The following LOC400499 variants were observed in gnomAD, a reference collection of about 807,000 sequenced individuals.
chr16:11,376,099 A>G, the LOC400499 span, among the ~76,000 whole-genome samples: 1 of 152,164 alleles, frequency 6.6e-6, no homozygotes, highest in Non-Finnish European at 1.5e-5. Context: ...TGCTTTATGT[A>G]TTCTAGATGG....
the LOC400499 span, among the ~76,000 whole-genome samples, chr16:11,428,217 C>T: frequency 5.6e-4 from 84 of 149,482 alleles, no homozygotes; most frequent in Non-Finnish European, 1.0e-3. Flanking sequence ...TCTTGTTGCC[C>T]AGGCTGGAGT....
the LOC400499 span, among the ~76,000 whole-genome samples, chr16:11,378,408 C>T: frequency 3.9e-5 from 6 of 152,106 alleles, no homozygotes; most frequent in East Asian, 1.9e-4. Flanking sequence ...GGATTACAGG[C>T]GCCTGCCACC....
the LOC400499 span, among the ~76,000 whole-genome samples, chr16:11,404,424 G>A: frequency 2.0e-5 from 3 of 152,044 alleles, no homozygotes; most frequent in Non-Finnish European, 4.4e-5. Flanking sequence ...TCGGCTCTCT[G>A]CAACCTCTGC....
the LOC400499 span, among the ~76,000 whole-genome samples, chr16:11,463,979 G>A: frequency 1.3e-5 from 2 of 152,264 alleles, no homozygotes; most frequent in South Asian, 2.1e-4. Context: ...ATGTATATAT[G>A]TGGATGTGTG....
the LOC400499 span, among the ~76,000 whole-genome samples, chr16:11,388,113 C>T: frequency 6.6e-6 from 1 of 152,078 alleles, no homozygotes; most frequent in Non-Finnish European, 1.5e-5. Flanking sequence ...CAGGTGGCCT[C>T]ACTTGCTTAC....
chr16:11,405,414 G>A, the LOC400499 span, among the ~76,000 whole-genome samples: 2 of 152,342 alleles, frequency 1.3e-5, no homozygotes, highest in African/African-American at 4.8e-5. Context: ...ATAGTCACAG[G>A]ACAGAAAATG....
At chr16:11,484,856 G>C in the LOC400499 span, 2 of 399,066 alleles carry the variant, frequency 5.0e-6, no homozygotes, top group East Asian at 7.1e-5. Flanking sequence ...GGGGAGTACA[G>C]TGGGTGTGGC....
the LOC400499 span, chr16:11,459,840 CCTA>C: frequency 7.9e-7 from 1 of 1,262,896 alleles, no homozygotes; most frequent in South Asian, 3.2e-5. Flanking sequence ...TTCCCCAGCT[CCTA>C]CCGTCCATGC....
chr16:11,430,674 G>A, the LOC400499 span, among the ~76,000 whole-genome samples: 1 of 152,128 alleles, frequency 6.6e-6, no homozygotes, highest in African/African-American at 2.4e-5. Context: ...CATTGTTCTT[G>A]CAACTTTTCT....
the LOC400499 span, among the ~76,000 whole-genome samples, chr16:11,483,544 A>C: frequency 6.6e-6 from 1 of 152,158 alleles, no homozygotes; most frequent in East Asian, 1.9e-4. Flanking sequence ...AAAAGAAGCC[A>C]AACAAAAAAG....
At chr16:11,462,656 C>A in the LOC400499 span, among the ~76,000 whole-genome samples, 1 of 152,146 alleles carries the variant, frequency 6.6e-6, no homozygotes, top group African/African-American at 2.4e-5. Flanking sequence ...GTCCTGAGCA[C>A]AAGTGATCCA....
chr16:11,490,245 A>C, the LOC400499 span, among the ~76,000 whole-genome samples: 1 of 151,898 alleles, frequency 6.6e-6, no homozygotes, highest in South Asian at 2.1e-4. Flanking sequence ...AGAATACAAA[A>C]ATTAGCCGGG....
chr16:11,444,424 G>T, the LOC400499 span, among the ~76,000 whole-genome samples: 1 of 152,076 alleles, frequency 6.6e-6, no homozygotes, highest in Non-Finnish European at 1.5e-5. Context: ...CTAAGTCAGG[G>T]GTCAGCAACT....
At chr16:11,431,931 G>C in the LOC400499 span, among the ~76,000 whole-genome samples, 586 of 152,264 alleles carry the variant, frequency 3.8e-3, 3 homozygotes, top group African/African-American at 0.013. Context: ...TTTCAAGATT[G>C]GGCCCTAAGA....
the LOC400499 span, chr16:11,462,470 C>T: frequency 4.1e-6 from 4 of 982,848 alleles, no homozygotes; most frequent in Non-Finnish European, 3.6e-6. Context: ...CACTTTGTCT[C>T]CCAAGCTGGA....
chr16:11,452,035 C>G, the LOC400499 span, among the ~76,000 whole-genome samples: 4 of 152,106 alleles, frequency 2.6e-5, no homozygotes, highest in Admixed American at 2.6e-4. Context: ...CATGCCCCAC[C>G]TATGTATAGC....
the LOC400499 span, among the ~76,000 whole-genome samples, chr16:11,501,917 G>A: frequency 2.0e-5 from 3 of 152,058 alleles, no homozygotes; most frequent in African/African-American, 4.8e-5. Context: ...CCTTCTTGGC[G>A]CACATTCTCA....
At chr16:11,484,462 T>C in the LOC400499 span, among the ~76,000 whole-genome samples, 1 of 152,130 alleles carries the variant, frequency 6.6e-6, no homozygotes, top group Non-Finnish European at 1.5e-5. Context: ...CGTGTGTCAA[T>C]TAGACCTCAA....
At chr16:11,385,871 C>T in the LOC400499 span, among the ~76,000 whole-genome samples, 2 of 152,150 alleles carry the variant, frequency 1.3e-5, no homozygotes, top group Non-Finnish European at 2.9e-5. Flanking sequence ...CTGAATCGTA[C>T]ACTTAAAATT....
Sources: gnomAD v4.1 joint callset for allele counts (sites outside exome capture counted in the v4.1 genomes callset) on GRCh38, gnomAD v4.1.1 for gene constraint, MANE v1.5 for transcripts.